ROR2: variants seen among roughly 807,000 people sequenced by gnomAD.
ROR2 encodes ROR family WNT receptor 2.
In ROR2, 33 loss-of-function variants were observed where a neutral mutation model predicts 74.9. The observed-to-expected ratio is 0.44, with a 90% CI of 0.33 to 0.59. The LOEUF is 0.59. ROR2 is among the 20% of genes least tolerant of loss of function. The probability of loss-of-function intolerance (pLI) is 0.02; values close to 1 mark genes in which losing one functional copy is unlikely to be tolerated. For synonymous variants in ROR2, 586 were observed against 558.7 expected, an observed-to-expected ratio of 1.05 and a Z score of -0.69; for missense variants, 1,216 against 1,313.8, an observed-to-expected ratio of 0.93 and a Z score of 1.15.
intron 1 of ROR2, among the ~76,000 whole-genome samples, chr9:91,858,501 T>A (rs1587791552): frequency 6.6e-6 from 1 of 152,252 alleles, no homozygotes; most frequent in East Asian, 1.9e-4. Context: ...CCCAAGGAAG[T>A]CCTTAGAAAG....
chr9:91,864,072 T>G (rs1167283370), intron 1 of ROR2, among the ~76,000 whole-genome samples: 1 of 152,118 alleles, frequency 6.6e-6, no homozygotes, highest in African/African-American at 2.4e-5. Flanking sequence ...CAGGCGGGCT[T>G]AGTTTGGGAG....
intron 1 of ROR2, among the ~76,000 whole-genome samples, chr9:91,854,246 CTG>C (rs1829204165): frequency 6.6e-6 from 1 of 152,202 alleles, no homozygotes. Context: ...CAGCACCCGA[CTG>C]TACCTTGCCT....
intron 1 of ROR2, among the ~76,000 whole-genome samples, chr9:91,863,184 G>T (rs909440688): frequency 6.6e-6 from 1 of 152,226 alleles, no homozygotes; most frequent in Non-Finnish European, 1.5e-5. Context: ...AACAAGCCCA[G>T]CTAATTTTTA....
chr9:91,741,334 AT>A (rs1426430372), intron 4 of ROR2, among the ~76,000 whole-genome samples: 1 of 145,300 alleles, frequency 6.9e-6, no homozygotes, highest in African/African-American at 2.5e-5. Flanking sequence ...AATAATAATA[AT>A]AATAATAAAA....
intron 4 of ROR2, among the ~76,000 whole-genome samples, chr9:91,746,805 T>C (rs1342955597): frequency 6.6e-6 from 1 of 152,128 alleles, no homozygotes; most frequent in African/African-American, 2.4e-5. Context: ...CAGAGGCCAA[T>C]AATTAACATA....
Position 91,724,821 on chromosome 9 carries a change from T to A in ROR2, c.1673A>T (p.His558Leu). The A allele has an allele frequency of 6.2e-7, 1 of 1,607,220 alleles. No homozygotes were observed. Residue 558 changes from histidine (H) to leucine (L), a missense_variant, in exon 9 of 9, where the codon CAC becomes CTC. Transcript: ENST00000375708. ...GACCAGGAATTCGTGGAGGTCGCCGTGCGAACAGTAGCTGAAGATCATGCT... is the reference window on the plus strand; with the variant it reads ...GACCAGGAATTCGTGGAGGTCGCCGAGCGAACAGTAGCTGAAGATCATGCT... ...PLSMIFSYCS[H>L]GDLHEFLVMR...
At chr9:91,826,783 CAAAAAAA>C (rs576119100) in intron 1 of ROR2, among the ~76,000 whole-genome samples, 2 of 123,404 alleles carry the variant, frequency 1.6e-5, no homozygotes, top group Non-Finnish European at 3.4e-5. Flanking sequence ...GACTCCGTCT[CAAAAAAA>C]AAAAGAAAAA....
intron 4 of ROR2, among the ~76,000 whole-genome samples, chr9:91,738,219 A>G (rs1268631097): frequency 6.6e-6 from 1 of 152,248 alleles, no homozygotes; most frequent in East Asian, 1.9e-4. Flanking sequence ...AATGCAAGAC[A>G]TTAAAATAAG....
chr9:91,938,066 A>G (rs1441079059), intron 1 of ROR2, among the ~76,000 whole-genome samples: 1 of 152,176 alleles, frequency 6.6e-6, no homozygotes, highest in African/African-American at 2.4e-5. Context: ...TAGAGTAAAT[A>G]AGTAAATAAA....
chr9:91,863,410 G>T (rs769503868), intron 1 of ROR2, among the ~76,000 whole-genome samples: 1 of 152,076 alleles, frequency 6.6e-6, no homozygotes, highest in Admixed American at 6.5e-5. Context: ...ACATTCACAG[G>T]AGCATTATTC....
chr9:91,764,559 TACACACAC>T (rs11405599), intron 2 of ROR2, among the ~76,000 whole-genome samples: 3 of 147,614 alleles, frequency 2.0e-5, no homozygotes, highest in Non-Finnish European at 3.0e-5. Context: ...TATAATCACT[TACACACAC>T]ACACACACAC....
At chr9:91,888,086 A>G (rs1830335668) in intron 1 of ROR2, among the ~76,000 whole-genome samples, 1 of 152,078 alleles carries the variant, frequency 6.6e-6, no homozygotes, top group Non-Finnish European at 1.5e-5. Flanking sequence ...CACCATGCCC[A>G]GCCTCCATAA....
intron 1 of ROR2, among the ~76,000 whole-genome samples, chr9:91,842,351 A>G (rs917115347): frequency 1.3e-5 from 2 of 152,212 alleles, no homozygotes; most frequent in Non-Finnish European, 2.9e-5. Flanking sequence ...GCCAGGTGCC[A>G]TGCATGTGTT....
At chr9:91,891,537 G>C (rs972339692) in intron 1 of ROR2, among the ~76,000 whole-genome samples, 1 of 152,174 alleles carries the variant, frequency 6.6e-6, no homozygotes, top group African/African-American at 2.4e-5. Context: ...CCAAAGTGCG[G>C]GGATTACAGG....
Position 91,784,024 on chromosome 9 carries a change from C to T in ROR2, c.98-8206G>A, listed in dbSNP as rs112685044. 4.6e-5 allele frequency among the ~76,000 whole-genome samples: 7 copies of T among 152,240 alleles called. 1 individual carries two copies. Among genetic ancestry groups the T allele is most frequent in the African/African-American group, 9.6e-5 (4 of 41,530 alleles). ...CCCAAACCACCTGTCCAGGCCAGAC[C>T]GCTCCCCTGAAAGCCAACTCAGAAA... is the stretch of plus-strand genomic sequence containing the variant. On this transcript the variant is annotated intron_variant, in intron 1 of 8. Transcript: ENST00000375708.
chr9:91,874,146 C>T (rs1014671457), intron 1 of ROR2, among the ~76,000 whole-genome samples: 6 of 152,220 alleles, frequency 3.9e-5, no homozygotes, highest in Non-Finnish European at 8.8e-5. Flanking sequence ...CTCAAGGAAT[C>T]ACCCCACTTA....
intron 1 of ROR2, among the ~76,000 whole-genome samples, chr9:91,834,460 AT>A (rs1828556576): frequency 6.6e-6 from 1 of 152,154 alleles, no homozygotes; most frequent in Non-Finnish European, 1.5e-5. Context: ...CCTGGCATGA[AT>A]TTTCCTTTAT....
chr9:91,775,631 C>A lies in ROR2; in HGVS notation c.175+110G>T. 5 of 990,494 alleles carry A rather than the reference C, an allele frequency of 5.0e-6. No individual in the cohort carries two copies. The South Asian group carries it at 6.7e-5, about 13-fold the overall frequency. The allele number at this position is 990,494 out of a possible 1,614,324, so 61.4% of individuals were successfully genotyped here. Reference sequence around the variant, plus strand: ...CACCATACCCACCACCAGGGGGCACCAAGGGGCCAGAGGACCCCCAGCGCC... The same window carrying A: ...CACCATACCCACCACCAGGGGGCACAAAGGGGCCAGAGGACCCCCAGCGCC... On this transcript the variant is annotated intron_variant, in intron 2 of 8. Transcript: ENST00000375708.
rs201370732 is a variant in ROR2 at position 91,786,348 on chromosome 9, C to A, written c.98-10530G>T. ...TCAATCAATCAATCAATCAATCAAT[C>A]AATAAGTAAATAAATAAATAAATAA... On this transcript the variant is annotated intron_variant, in intron 1 of 8. Transcript: ENST00000375708. Among the ~76,000 whole-genome samples the A allele has an allele frequency of 5.4e-3, 489 of 90,618 alleles. 2 individuals carry two copies. Among genetic ancestry groups the A allele is most frequent in the African/African-American group, 0.017 (464 of 27,830 alleles). 59.4% of individuals were successfully genotyped at this position (90,618 alleles called of 152,430 possible). A position where few individuals can be genotyped will look rare whatever the true frequency, so the allele number is the denominator to read the frequency against.
Sources: allele counts gnomAD v4.1 joint callset (sites outside exome capture counted in the v4.1 genomes callset), GRCh38; gene constraint gnomAD v4.1.1; transcripts MANE v1.5; gene names NCBI Gene and HGNC (gene_info 2026-07-23, HGNC 2026-07-21).